CDH12: variants seen among roughly 807,000 people sequenced by gnomAD.
CDH12 encodes cadherin 12, also known as cadherin-12.
In CDH12, 41 loss-of-function variants were observed where a neutral mutation model predicts 74.1. That is an observed-to-expected ratio of 0.55 (90% CI 0.43 to 0.72). The LOEUF is 0.72. Ranked by LOEUF, CDH12 falls within the 30% of genes least tolerant of loss-of-function variation. The pLI is 0.00. For synonymous variants in CDH12, 399 were observed against 355.0 expected, an observed-to-expected ratio of 1.12 and a Z score of -1.39; for missense variants, 945 against 977.2, an observed-to-expected ratio of 0.97 and a Z score of 0.44.
intron 3 of CDH12, among the ~76,000 whole-genome samples, chr5:22,286,790 T>A (rs1438545922): frequency 6.6e-6 from 1 of 152,134 alleles, no homozygotes; most frequent in Non-Finnish European, 1.5e-5. Flanking sequence ...AATATGGTCA[T>A]TTTTAATAAA....
intron 1 of CDH12, among the ~76,000 whole-genome samples, chr5:22,600,825 A>C (rs766463622): frequency 1.3e-5 from 2 of 152,054 alleles, no homozygotes; most frequent in Non-Finnish European, 2.9e-5. Context: ...AACACACCCC[A>C]AAAAATGTGT....
intron 3 of CDH12, among the ~76,000 whole-genome samples, chr5:22,281,370 G>A (rs927036563): frequency 2.6e-5 from 4 of 152,094 alleles, no homozygotes; most frequent in Admixed American, 2.0e-4. Flanking sequence ...GGGAGTTCTA[G>A]CCAGGGCAAT....
At chr5:22,145,306 A>T (rs1747088829) in intron 4 of CDH12, among the ~76,000 whole-genome samples, 1 of 152,088 alleles carries the variant, frequency 6.6e-6, no homozygotes, top group South Asian at 2.1e-4. Context: ...AGCTGCTAGC[A>T]ATGAGGGGGA....
chr5:22,840,150 T>G (rs1485340351), intron 1 of CDH12, among the ~76,000 whole-genome samples: 1 of 152,166 alleles, frequency 6.6e-6, no homozygotes, highest in Non-Finnish European at 1.5e-5. Flanking sequence ...AGAGACAGTC[T>G]CGCTTTATCA....
chr5:22,641,128 G>T (rs1013218056), intron 1 of CDH12, among the ~76,000 whole-genome samples: 2 of 152,096 alleles, frequency 1.3e-5, no homozygotes, highest in Admixed American at 6.5e-5. Flanking sequence ...TGACTCACTT[G>T]ATTATGGAGG....
intron 3 of CDH12, among the ~76,000 whole-genome samples, chr5:22,270,287 C>A (rs1736331973): frequency 6.6e-6 from 1 of 152,092 alleles, no homozygotes; most frequent in South Asian, 2.1e-4. Context: ...TGCCCTGATA[C>A]CATAGGTTTT....
At position 22,266,038 on chromosome 5, in the gene CDH12, ATTATTTATTTATTTAT is replaced by A. The variant is rs143229137; in HGVS notation, c.-332-53411_-332-53396del. Among the ~76,000 whole-genome samples the A allele has an allele frequency of 8.9e-3, 1,251 of 141,016 alleles. 7 individuals are homozygous for A. The highest frequency in any genetic ancestry group is 0.011 in the Non-Finnish European group (694 of 65,360). 92.5% of individuals were successfully genotyped at this position (141,016 alleles called of 152,430 possible). ...TGCCTAACTGCCAAAAGCTTTGTTG[ATTATTTATTTATTTAT>A]TTATTTATTTATTTATTTATTTATT... On this transcript the variant is annotated intron_variant, in intron 3 of 14. Coordinates refer to ENST00000382254, the MANE Select transcript of CDH12 (RefSeq NM_004061.5).
In CDH12 at chr5:22,532,758, A is replaced by G. The variant is rs530270092; in HGVS notation, c.-522-27394T>C. On this transcript the variant is annotated intron_variant, in intron 1 of 14. Transcript: ENST00000382254. ...ACTAAACCCCCAAAATGTTGGAATTAGTGAAATTTGTAATTAAAAGCCTTA... is the reference window on the plus strand; with the variant it reads ...ACTAAACCCCCAAAATGTTGGAATTGGTGAAATTTGTAATTAAAAGCCTTA... Among the ~76,000 whole-genome samples the G allele has an allele frequency of 4.6e-5, 7 of 152,178 alleles. No homozygotes were observed. The South Asian group carries it at 1.2e-3, about 27-fold the overall frequency.
At chr5:22,345,226 C>A in intron 3 of CDH12, among the ~76,000 whole-genome samples, 1 of 152,004 alleles carries the variant, frequency 6.6e-6, no homozygotes, top group East Asian at 1.9e-4. Flanking sequence ...CCACATCATG[C>A]TGATGATTCA....
intron 6 of CDH12, chr5:21,884,190 G>A: frequency 6.3e-7 from 1 of 1,583,874 alleles, no homozygotes; most frequent in Non-Finnish European, 8.7e-7. Flanking sequence ...GGATGCTGCT[G>A]GTGTGGCCTC....
rs573301321 is a variant in CDH12, at chr5:22,243,490, G to A, written c.-332-30847C>T. The stretch of plus-strand genomic sequence containing the variant: ...GGGAAAAAGAAAAGAAAGGGGAAAG[G>A]TAGAGAGAGAAAAAAGACACAGAAG... On this transcript the variant is annotated intron_variant, in intron 3 of 14. Coordinates refer to ENST00000382254, the MANE Select transcript of CDH12 (RefSeq NM_004061.5). 3.3e-5 allele frequency among the ~76,000 whole-genome samples: 5 copies of A among 151,938 alleles called. No homozygotes were observed. The South Asian group carries it at 1.0e-3, about 32-fold the overall frequency.
intron 1 of CDH12, among the ~76,000 whole-genome samples, chr5:22,683,020 G>T (rs1168299537): frequency 2.0e-5 from 3 of 151,840 alleles, no homozygotes; most frequent in Non-Finnish European, 2.9e-5. Context: ...AAACTGTAAT[G>T]AATTTTTTAT....
intron 5 of CDH12, among the ~76,000 whole-genome samples, chr5:22,000,500 A>G (rs372064612): frequency 6.6e-6 from 1 of 152,178 alleles, no homozygotes; most frequent in African/African-American, 2.4e-5. Flanking sequence ...AGTTAATTCA[A>G]CAAATAAGCA....
At chr5:22,373,376 T>G (rs1741381924) in intron 3 of CDH12, among the ~76,000 whole-genome samples, 2 of 152,094 alleles carry the variant, frequency 1.3e-5, no homozygotes, top group South Asian at 4.1e-4. Flanking sequence ...CTGCTAATAA[T>G]ATCACCCACA....
rs1378982298 is a variant in CDH12, at chr5:22,353,203, C to T, written c.-333+52054G>A. Among the ~76,000 whole-genome samples the T allele has an allele frequency of 2.6e-5, 4 of 152,136 alleles. No individual in the cohort carries two copies. In the East Asian group the frequency reaches 5.8e-4, roughly 22 times the overall value. On this transcript the variant is annotated intron_variant, in intron 3 of 14. Transcript: ENST00000382254. ...TGCCCATTCTAGAAAAACAAAACCA[C>T]ATAATTGATTTTAAAATTTTGTGAA...
In CDH12 at chr5:22,760,916, C is replaced by CT. The variant is rs550615822; in HGVS notation, c.-523+92141dup. ...CCACAACATGCACAAAAAAACCCCA[C>CT]TTTTTTTATTGACAATTATTTTGTT... On this transcript the variant is annotated intron_variant, in intron 1 of 14. Transcript: ENST00000382254. Among the ~76,000 whole-genome samples, 47 of 152,116 alleles carry CT rather than the reference C, an allele frequency of 3.1e-4. 1 individual carries two copies. In the South Asian group the frequency reaches 9.7e-3, roughly 32 times the overall value.
intron 1 of CDH12, among the ~76,000 whole-genome samples, chr5:22,521,229 G>A (rs969782229): frequency 2.2e-4 from 34 of 151,542 alleles, no homozygotes; most frequent in African/African-American, 6.3e-4. Context: ...ATCCTTAATC[G>A]AAATTAATAT....
chr5:21,982,063 T>C (rs2150128049), intron 5 of CDH12, among the ~76,000 whole-genome samples: 1 of 152,298 alleles, frequency 6.6e-6, no homozygotes, highest in Non-Finnish European at 1.5e-5. Flanking sequence ...TCAAGCATTA[T>C]CCTGGGTGTG....
chr5:22,744,364 G>A (rs10473608), intron 1 of CDH12, among the ~76,000 whole-genome samples: 75,530 of 151,522 alleles, frequency 0.5, 18,812 homozygotes, highest in East Asian at 0.56. Context: ...GGGAGGCAGA[G>A]GTTGCAGTGA....
Sources: gnomAD v4.1 joint callset for allele counts (sites outside exome capture counted in the v4.1 genomes callset) on GRCh38, gnomAD v4.1.1 for gene constraint, MANE v1.5 for transcripts, NCBI Gene and HGNC (gene_info 2026-07-23, HGNC 2026-07-21) for gene names.